Variants in TOX observed in about 807,000 individuals in gnomAD.
The protein encoded by TOX is thymocyte selection associated high mobility group box.
TOX carries 11 observed loss-of-function variants against 53.7 expected under a neutral mutation model. The observed-to-expected ratio is 0.20, with a 90% CI of 0.13 to 0.34. TOX has a LOEUF of 0.34. TOX is among the 10% of genes least tolerant of loss of function. The probability of loss-of-function intolerance (pLI) is 1.00; values close to 1 mark genes in which losing one functional copy is unlikely to be tolerated. For missense variants in TOX, 570 were observed against 664.6 expected (o/e 0.86, Z 1.56); for synonymous variants, 225 against 245.3 (o/e 0.92, Z 0.77).
At chr8:58,858,318 T>C (rs1462627522) in intron 3 of TOX, among the ~76,000 whole-genome samples, 1 of 152,230 alleles carries the variant, frequency 6.6e-6, no homozygotes, top group Non-Finnish European at 1.5e-5. Context: ...AGAGTCTGTA[T>C]TCCTCCTTCA....
chr8:59,001,181 A>G (rs1813682434), intron 1 of TOX, among the ~76,000 whole-genome samples: 1 of 152,230 alleles, frequency 6.6e-6, no homozygotes, highest in South Asian at 2.1e-4. Flanking sequence ...GGCAGGAAGA[A>G]CTTTTCTCAG....
intron 1 of TOX, among the ~76,000 whole-genome samples, chr8:58,962,340 T>C (rs1812814259): frequency 6.6e-6 from 1 of 152,206 alleles, no homozygotes; most frequent in Non-Finnish European, 1.5e-5. Flanking sequence ...ATATTTTATG[T>C]TCCTGCCACC....
intron 7 of TOX, among the ~76,000 whole-genome samples, chr8:58,810,720 A>G (rs916127414): frequency 1.3e-5 from 2 of 152,168 alleles, no homozygotes; most frequent in Non-Finnish European, 1.5e-5. Context: ...AAAAAGAAGT[A>G]GTCGAGAATA....
chr8:59,066,088 A>G (rs1324646527), intron 1 of TOX, among the ~76,000 whole-genome samples: 2 of 152,228 alleles, frequency 1.3e-5, no homozygotes, highest in Non-Finnish European at 2.9e-5. Flanking sequence ...GGAGGAAAGT[A>G]TACCAAACCA....
intron 3 of TOX, among the ~76,000 whole-genome samples, chr8:58,875,075 T>C (rs1045785622): frequency 3.3e-5 from 5 of 152,184 alleles, no homozygotes; most frequent in Admixed American, 6.5e-5. Context: ...AGCAAGGACA[T>C]AGAAGACCTC....
At chr8:59,035,200 T>C (rs1585978016) in intron 1 of TOX, among the ~76,000 whole-genome samples, 2 of 152,342 alleles carry the variant, frequency 1.3e-5, no homozygotes, top group South Asian at 4.1e-4. Context: ...GAAAAAATAC[T>C]AAATTACTAT....
rs951374938 is a variant in TOX at position 59,035,846 on chromosome 8, C to A, written c.103-75838G>T. On this transcript the variant is annotated intron_variant, in intron 1 of 8. Transcript: ENST00000361421. ...TGACAGCTCACACTTACAGTGGTTA[C>A]CATGTGCCAGCCAGAGGGCACTGTT... Among the ~76,000 whole-genome samples the A allele has an allele frequency of 3.3e-5, 5 of 152,318 alleles. No homozygotes were observed. The East Asian group carries it at 9.6e-4, about 29-fold the overall frequency.
chr8:59,118,356 T>C lies in TOX; in HGVS notation c.102+530A>G, dbSNP rs935872872. On this transcript the variant is annotated intron_variant, in intron 1 of 8. Transcript: ENST00000361421. The surrounding 1 kb of genome is among the most constrained non-coding windows in gnomAD (Gnocchi z 4.1). ...GAACCGGTTTGAGAAAACAAAAGAG[T>C]TGTGGGGCAGTTTTCCCTGTGGGGG... Among the ~76,000 whole-genome samples, 10 of 151,206 alleles carry C rather than the reference T, an allele frequency of 6.6e-5. No homozygotes were observed. Among genetic ancestry groups the C allele is most frequent in the African/African-American group, 2.4e-4 (10 of 41,148 alleles).
At chr8:59,084,194 G>T (rs181631490) in intron 1 of TOX, among the ~76,000 whole-genome samples, 1 of 152,004 alleles carries the variant, frequency 6.6e-6, no homozygotes, top group Admixed American at 6.6e-5. Context: ...AAAGCTTTCA[G>T]GTATTTTTTA....
intron 4 of TOX, among the ~76,000 whole-genome samples, chr8:58,847,462 C>T (rs536051938): frequency 7.2e-5 from 11 of 151,766 alleles, no homozygotes; most frequent in Non-Finnish European, 1.3e-4. Flanking sequence ...AAGAGAATTA[C>T]GAGCTGGAAA....
At chr8:59,066,052 GA>G (rs1318260752) in intron 1 of TOX, among the ~76,000 whole-genome samples, 1 of 152,102 alleles carries the variant, frequency 6.6e-6, no homozygotes, top group Non-Finnish European at 1.5e-5. Context: ...AGGTACACAG[GA>G]AAAAACGAGG....
At chr8:59,063,202 T>TGAAG (rs1804019576) in intron 1 of TOX, among the ~76,000 whole-genome samples, 1 of 152,092 alleles carries the variant, frequency 6.6e-6, no homozygotes, top group African/African-American at 2.4e-5. Flanking sequence ...AATCAAACAT[T>TGAAG]GCAACTACCA....
In TOX at chr8:58,822,387, GCC is replaced by G. The variant is rs548286190; in HGVS notation, c.1005+4433_1005+4434del. Among the ~76,000 whole-genome samples, 35 of 152,248 alleles carry G rather than the reference GCC, an allele frequency of 2.3e-4. No individual in the cohort carries two copies. In the East Asian group the frequency reaches 5.8e-3, roughly 25 times the overall value. On this transcript the variant is annotated intron_variant, in intron 6 of 8. Coordinates refer to ENST00000361421, the MANE Select transcript of TOX (RefSeq NM_014729.3). ...CCAACTTCCCCCTTTAAATGACAGAGCCTAAAATTGAACAAGGTATTTTGGAG... is the reference window on the plus strand; with the variant it reads ...CCAACTTCCCCCTTTAAATGACAGAGTAAAATTGAACAAGGTATTTTGGAG...
intron 4 of TOX, among the ~76,000 whole-genome samples, chr8:58,843,677 T>C (rs1035515976): frequency 4.6e-5 from 7 of 152,234 alleles, no homozygotes; most frequent in Admixed American, 4.6e-4. Flanking sequence ...AAGCTGTTTG[T>C]CTTATGAACA....
chr8:59,057,628 A>G (rs1041487914), intron 1 of TOX, among the ~76,000 whole-genome samples: 1 of 152,186 alleles, frequency 6.6e-6, no homozygotes, highest in Non-Finnish European at 1.5e-5. Flanking sequence ...CCCGCCTTTC[A>G]GTGTACACAA....
intron 3 of TOX, among the ~76,000 whole-genome samples, chr8:58,861,285 T>C (rs938152053): frequency 1.3e-5 from 2 of 152,194 alleles, no homozygotes; most frequent in African/African-American, 4.8e-5. Flanking sequence ...GATCATGTGG[T>C]CCACCCTCTG....
chr8:58,928,609 T>A (rs1812203051), intron 3 of TOX, among the ~76,000 whole-genome samples: 1 of 151,762 alleles, frequency 6.6e-6, no homozygotes, highest in Non-Finnish European at 1.5e-5. Flanking sequence ...TATTTTCCTT[T>A]TCCTGTTAAC....
intron 3 of TOX, among the ~76,000 whole-genome samples, chr8:58,878,044 A>G (rs1193821030): frequency 6.6e-6 from 1 of 152,158 alleles, no homozygotes; most frequent in East Asian, 1.9e-4. Context: ...CACGGTGCAT[A>G]CAATCTCTCT....
intron 1 of TOX, among the ~76,000 whole-genome samples, chr8:58,994,440 A>AT (rs1404102022): frequency 3.7e-4 from 50 of 135,728 alleles, no homozygotes; most frequent in African/African-American, 6.4e-4. Context: ...ATGTGTGTGT[A>AT]TTTTTTTTTT....
Sources: allele counts gnomAD v4.1 joint callset (sites outside exome capture counted in the v4.1 genomes callset), GRCh38; gene constraint gnomAD v4.1.1; non-coding constraint Gnocchi (gnomAD v3.1); transcripts MANE v1.5; gene names NCBI Gene and HGNC (gene_info 2026-07-23, HGNC 2026-07-21).